FAM193A: variants seen among roughly 807,000 people sequenced by gnomAD.
FAM193A encodes the protein family with sequence similarity 193 member A, also known as protein FAM193A.
Under a neutral mutation model 126.5 loss-of-function variants are expected in FAM193A, and 22 were observed. The ratio of observed to expected loss-of-function variants is 0.17; its 90% CI spans 0.12 to 0.25. The LOEUF (loss-of-function observed/expected upper bound fraction) is 0.25. Ranked by LOEUF, FAM193A falls within the 10% of genes least tolerant of loss-of-function variation. The probability of loss-of-function intolerance (pLI) is 1.00; values close to 1 mark genes in which losing one functional copy is unlikely to be tolerated. For synonymous variants in FAM193A, 761 were observed against 646.8 expected, an observed-to-expected ratio of 1.18 and a Z score of -2.68; for missense variants, 1,675 against 1,672.8, an observed-to-expected ratio of 1.00 and a Z score of -0.02.
intron 13 of FAM193A, among the ~76,000 whole-genome samples, chr4:2,683,193 G>A (rs968608459): frequency 2.6e-5 from 4 of 151,924 alleles, no homozygotes; most frequent in African/African-American, 9.7e-5. Flanking sequence ...TCTGATTTCT[G>A]ACAAGATGTC....
chr4:2,651,195 T>A (rs1469638141), intron 7 of FAM193A, among the ~76,000 whole-genome samples: 4 of 152,126 alleles, frequency 2.6e-5, no homozygotes, highest in Non-Finnish European at 1.5e-5. Context: ...CCGAGCGTGG[T>A]GGCACATGCC....
intron 2 of FAM193A, among the ~76,000 whole-genome samples, chr4:2,619,937 C>G (rs187965447): frequency 1.3e-5 from 2 of 152,144 alleles, no homozygotes; most frequent in African/African-American, 2.4e-5. Context: ...GTGATCCACT[C>G]GCCTCATCCT....
intron 1 of FAM193A, among the ~76,000 whole-genome samples, chr4:2,555,319 G>A (rs1227265266): frequency 6.6e-6 from 1 of 152,104 alleles, no homozygotes; most frequent in Non-Finnish European, 1.5e-5. Context: ...TTTTTACTAT[G>A]GAAGTAAGTT....
chr4:2,727,160 G>A (rs1720851369), intron 20 of FAM193A, among the ~76,000 whole-genome samples: 1 of 152,088 alleles, frequency 6.6e-6, no homozygotes, highest in South Asian at 2.1e-4. Flanking sequence ...TCTGGAGGCT[G>A]AGGCAGGAGA....
intron 1 of FAM193A, among the ~76,000 whole-genome samples, chr4:2,595,310 A>G (rs962104845): frequency 5.3e-5 from 8 of 152,198 alleles, no homozygotes; most frequent in Non-Finnish European, 4.4e-5. Flanking sequence ...CTGCCTCCCC[A>G]GGTGCTGGGA....
chr4:2,559,340 T>A (rs192487932), intron 1 of FAM193A, among the ~76,000 whole-genome samples: 24 of 152,334 alleles, frequency 1.6e-4, no homozygotes, highest in Non-Finnish European at 3.1e-4. Flanking sequence ...ATTGTTGTAG[T>A]CGGTGTCCCC....
chr4:2,693,977 A>G, intron 16 of FAM193A, 103 bp downstream of exon 16: 1 of 1,255,608 alleles, frequency 8.0e-7, no homozygotes. Flanking sequence ...GCAGTGGAAA[A>G]GTCTAGTGAA....
chr4:2,558,005 G>T (rs1738368770), intron 1 of FAM193A, among the ~76,000 whole-genome samples: 1 of 152,130 alleles, frequency 6.6e-6, no homozygotes, highest in African/African-American at 2.4e-5. Context: ...GGGCGCTATG[G>T]CTCATGCCTG....
chr4:2,719,542 T>G (rs1411081191), intron 20 of FAM193A, among the ~76,000 whole-genome samples: 1 of 152,046 alleles, frequency 6.6e-6, no homozygotes, highest in African/African-American at 2.4e-5. Flanking sequence ...GGTTGGGAGT[T>G]TGAGATCAGC....
intron 1 of FAM193A, among the ~76,000 whole-genome samples, chr4:2,586,559 A>G (rs1485208780): frequency 1.3e-5 from 2 of 152,124 alleles, no homozygotes; most frequent in Admixed American, 1.3e-4. Flanking sequence ...TACCTTGGTT[A>G]TAAATTTAGT....
At chr4:2,597,549 C>G (rs1034824054) in intron 2 of FAM193A, among the ~76,000 whole-genome samples, 2 of 152,140 alleles carry the variant, frequency 1.3e-5, no homozygotes, top group African/African-American at 4.8e-5. Context: ...TGCGTCTTGC[C>G]TGCGTTGGAG....
At chr4:2,598,207 T>TTGTAG (rs1384655266) in intron 2 of FAM193A, among the ~76,000 whole-genome samples, 3 of 152,224 alleles carry the variant, frequency 2.0e-5, no homozygotes, top group Non-Finnish European at 4.4e-5. Context: ...CTGATTTTTG[T>TTGTAG]TCCTACAGTT....
At chr4:2,645,966 C>G (rs1328267714) in intron 6 of FAM193A, among the ~76,000 whole-genome samples, 4 of 151,994 alleles carry the variant, frequency 2.6e-5, no homozygotes, top group Non-Finnish European at 5.9e-5. Context: ...TTTCTCTGAG[C>G]CAGTTGTATT....
At position 2,689,357 on chromosome 4, in the gene FAM193A, T is replaced by G. The variant is rs1305001066; in HGVS notation, c.2332-149T>G. On this transcript the variant is annotated intron_variant, in intron 13 of 20. Coordinates refer to ENST00000637812, the MANE Select transcript of FAM193A (RefSeq NM_001366318.2). ...AGTCTCATAAATCAAGTCCATGTTT[T>G]GTGAGATGTGCTCCCCCTGGGCTGA... 8.9e-6 allele frequency: 5 copies of G among 564,550 alleles called. No individual in the cohort carries two copies. The African/African-American group carries it at 1.0e-4, about 11-fold the overall frequency. The allele number at this position is 564,550 out of a possible 1,614,324, so 35.0% of individuals were successfully genotyped here. A position where few individuals can be genotyped will look rare whatever the true frequency, so the allele number is the denominator to read the frequency against.
intron 19 of FAM193A, among the ~76,000 whole-genome samples, chr4:2,713,280 C>T (rs868158537): frequency 2.4e-4 from 36 of 151,016 alleles, no homozygotes; most frequent in Admixed American, 4.7e-4. Flanking sequence ...GTGGCGCGCA[C>T]CTGTAGTCCC....
chr4:2,679,472 C>T (rs940108379), intron 13 of FAM193A, among the ~76,000 whole-genome samples: 3 of 150,514 alleles, frequency 2.0e-5, no homozygotes, highest in Admixed American at 6.6e-5. Context: ...CTCTGCCTCC[C>T]GGGTTCATGT....
intron 1 of FAM193A, among the ~76,000 whole-genome samples, chr4:2,590,463 C>CAAAAAAAAAA (rs774897240): frequency 1.5e-4 from 2 of 13,562 alleles, no homozygotes; most frequent in Non-Finnish European, 2.8e-4. Context: ...GACTCCATCT[C>CAAAAAAAAAA]AAAAAAAAAA....
chr4:2,639,586 T>A (rs1159262489), intron 5 of FAM193A, 149 bp from the exon 6 acceptor site: 2 of 521,764 alleles, frequency 3.8e-6, no homozygotes, highest in Non-Finnish European at 6.7e-6. Context: ...GGAGCAGCAC[T>A]TCTCATAAGC....
chr4:2,605,793 G>A (rs577135363), intron 2 of FAM193A, among the ~76,000 whole-genome samples: 4 of 151,996 alleles, frequency 2.6e-5, no homozygotes, highest in East Asian at 2.0e-4. Flanking sequence ...CCAACATGGC[G>A]AAACCTCGTC....
Sources: allele counts gnomAD v4.1 joint callset (sites outside exome capture counted in the v4.1 genomes callset), GRCh38; gene constraint gnomAD v4.1.1; transcripts MANE v1.5; gene names NCBI Gene and HGNC (gene_info 2026-07-23, HGNC 2026-07-21).